The following CSMD1 variants were observed in gnomAD, a reference collection of about 807,000 sequenced individuals.
CSMD1 encodes the protein CUB and sushi domain-containing protein 1.
CSMD1 carries 213 observed loss-of-function variants against 417.5 expected under a neutral mutation model. The ratio of observed to expected loss-of-function variants is 0.51; its 90% confidence interval spans 0.46 to 0.57. The LOEUF (loss-of-function observed/expected upper bound fraction) is 0.57. Ranked by LOEUF, CSMD1 falls within the 20% of genes least tolerant of loss-of-function variation. The pLI, the probability that CSMD1 is intolerant of heterozygous loss-of-function variation, is 0.00. For missense variants in CSMD1, 6,923 were observed against 4,529.7 expected (o/e 1.53, Z -15.17); for synonymous variants, 2,862 against 1,736.8 (o/e 1.65, Z -16.11).
At chr8:4,622,469 A>G (rs1801839183) in intron 2 of CSMD1, among the ~76,000 whole-genome samples, 1 of 152,130 alleles carries the variant, frequency 6.6e-6, no homozygotes, top group African/African-American at 2.4e-5. Context: ...CACAATGCTG[A>G]CTGGCACATA....
At chr8:3,390,962 G>C (rs1221650759) in intron 17 of CSMD1, among the ~76,000 whole-genome samples, 1 of 152,046 alleles carries the variant, frequency 6.6e-6, no homozygotes, top group South Asian at 2.1e-4. Context: ...AAGAAATTAA[G>C]CAAACTGGCC....
intron 1 of CSMD1, among the ~76,000 whole-genome samples, chr8:4,688,536 A>C (rs955373547): frequency 6.6e-6 from 1 of 152,184 alleles, no homozygotes; most frequent in Admixed American, 6.5e-5. Flanking sequence ...AAAATTCTCC[A>C]AAATGGCTCT....
intron 1 of CSMD1, among the ~76,000 whole-genome samples, chr8:4,899,577 A>C (rs1804729881): frequency 6.6e-6 from 1 of 152,194 alleles, no homozygotes; most frequent in African/African-American, 2.4e-5. Context: ...CTGGACACTG[A>C]AAGTCAATAT....
At chr8:3,884,498 C>T (rs1426195095) in intron 5 of CSMD1, among the ~76,000 whole-genome samples, 1 of 152,116 alleles carries the variant, frequency 6.6e-6, no homozygotes, top group African/African-American at 2.4e-5. Context: ...TAACTTCACA[C>T]CTGGATTCTC....
intron 2 of CSMD1, among the ~76,000 whole-genome samples, chr8:4,447,910 T>A (rs1798908307): frequency 6.6e-6 from 1 of 152,134 alleles, no homozygotes; most frequent in Non-Finnish European, 1.5e-5. Flanking sequence ...TACTCATCTT[T>A]CGGAAATGAC....
In CSMD1 at chr8:4,062,325, G is replaced by T. The variant is rs559494356; in HGVS notation, c.416-30226C>A. Among the ~76,000 whole-genome samples, 5 of 152,156 alleles carry T rather than the reference G, an allele frequency of 3.3e-5. No homozygotes were observed. The South Asian group carries it at 8.3e-4, about 25-fold the overall frequency. On this transcript the variant is annotated intron_variant, in intron 3 of 69. Coordinates refer to ENST00000635120, the MANE Select transcript of CSMD1 (RefSeq NM_033225.6). ...CAACTGGGGACTTCTAAATAATATG[G>T]TCCAGGGTGGAGAGTGGCAGAAGAA...
intron 3 of CSMD1, among the ~76,000 whole-genome samples, chr8:4,186,256 G>T (rs370831790): frequency 6.6e-6 from 1 of 152,114 alleles, no homozygotes; most frequent in Non-Finnish European, 1.5e-5. Context: ...CTGCAGCAGA[G>T]GGGAAAGTGT....
chr8:3,840,559 G>C (rs547411507), intron 5 of CSMD1, among the ~76,000 whole-genome samples: 5 of 152,208 alleles, frequency 3.3e-5, no homozygotes, highest in African/African-American at 7.2e-5. Context: ...CAAAATGCAA[G>C]CATGCCTCCT....
At chr8:3,338,956 C>G (rs575830655) in intron 23 of CSMD1, among the ~76,000 whole-genome samples, 1,807 of 150,692 alleles carry the variant, frequency 0.012, 35 homozygotes, top group African/African-American at 0.041. Context: ...TCTAGCATTA[C>G]GTATATCTCC....
intron 5 of CSMD1, among the ~76,000 whole-genome samples, chr8:3,837,628 T>A (rs1224580132): frequency 6.6e-6 from 1 of 152,118 alleles, no homozygotes; most frequent in African/African-American, 2.4e-5. Flanking sequence ...GTTTGTGGAA[T>A]TTTCTGCGGA....
At chr8:4,842,501 G>A (rs1035513739) in intron 1 of CSMD1, among the ~76,000 whole-genome samples, 8 of 152,272 alleles carry the variant, frequency 5.3e-5, no homozygotes, top group Middle Eastern at 3.4e-3. Context: ...TTCAGGAAAT[G>A]ACTTACTAAA....
At chr8:4,301,815 C>A (rs1797995302) in intron 3 of CSMD1, among the ~76,000 whole-genome samples, 1 of 152,136 alleles carries the variant, frequency 6.6e-6, no homozygotes, top group African/African-American at 2.4e-5. Flanking sequence ...GGTTCATTGT[C>A]CCCATAAACT....
intron 8 of CSMD1, among the ~76,000 whole-genome samples, chr8:3,587,650 G>T (rs1013892539): frequency 6.6e-6 from 1 of 152,062 alleles, no homozygotes; most frequent in Non-Finnish European, 1.5e-5. Context: ...CATGGATGTC[G>T]GCAACAGCCA....
chr8:4,003,346 T>C (rs965035937), intron 4 of CSMD1, among the ~76,000 whole-genome samples: 1 of 151,904 alleles, frequency 6.6e-6, no homozygotes, highest in South Asian at 2.1e-4. Context: ...TGAGCAGAGA[T>C]TGCCCTACTG....
intron 5 of CSMD1, among the ~76,000 whole-genome samples, chr8:3,994,224 A>C (rs1479137506): frequency 6.6e-6 from 1 of 150,886 alleles, no homozygotes; most frequent in Non-Finnish European, 1.5e-5. Flanking sequence ...TCCCTGTCAC[A>C]GAAGGGTATG....
intron 5 of CSMD1, among the ~76,000 whole-genome samples, chr8:3,928,564 T>G (rs1172298212): frequency 6.6e-6 from 1 of 151,162 alleles, no homozygotes; most frequent in East Asian, 1.9e-4. Flanking sequence ...TGTACTAAGT[T>G]CAGATCTACA....
chr8:4,266,577 T>G (rs1360724388), intron 3 of CSMD1, among the ~76,000 whole-genome samples: 1 of 105,068 alleles, frequency 9.5e-6, no homozygotes, highest in East Asian at 2.5e-4. Context: ...TTTAAACAAG[T>G]ACACCATACA....
chr8:4,718,017 C>T (rs971295090), intron 1 of CSMD1, among the ~76,000 whole-genome samples: 4 of 152,096 alleles, frequency 2.6e-5, no homozygotes, highest in Non-Finnish European at 5.9e-5. Flanking sequence ...TTGCTCTGTA[C>T]CCCAGGCTGG....
intron 7 of CSMD1, among the ~76,000 whole-genome samples, chr8:3,664,315 A>G (rs1798571078): frequency 6.6e-6 from 1 of 152,192 alleles, no homozygotes; most frequent in Non-Finnish European, 1.5e-5. Context: ...CTGTTTGCTC[A>G]GAATGATGTT....
Sources: gnomAD v4.1 joint callset for allele counts (sites outside exome capture counted in the v4.1 genomes callset) on GRCh38, gnomAD v4.1.1 for gene constraint, MANE v1.5 for transcripts, NCBI Gene and HGNC (gene_info 2026-07-23, HGNC 2026-07-21) for gene names.